GRM5: variants seen among roughly 807,000 people sequenced by gnomAD.
GRM5 encodes the protein metabotropic glutamate receptor 5.
GRM5 carries 19 observed loss-of-function variants against 83.1 expected under a neutral mutation model. The observed-to-expected ratio is 0.23, with a 90% CI of 0.16 to 0.34. GRM5 has a LOEUF of 0.34. Among genes scored for constraint, GRM5 ranks in the 10% least tolerant of loss-of-function variants. The probability of loss-of-function intolerance (pLI) is 1.00; values close to 1 mark genes in which losing one functional copy is unlikely to be tolerated. For missense variants in GRM5, 1,160 were observed against 1,588.3 expected (o/e 0.73, Z 4.58); for synonymous variants, 675 against 633.6 (o/e 1.07, Z -0.98).
rs1053567651 is a variant in GRM5, at chr11:88,757,994, C to A, written c.911+91912G>T. The stretch of plus-strand genomic sequence containing the variant: ...TCCAGGAGATGGAAGCTGAGCCTTG[C>A]CCCACTAAAATCTCCCAGAAATAAA... On this transcript the variant is annotated intron_variant, in intron 3 of 9. Coordinates refer to ENST00000305447, the MANE Select transcript of GRM5 (RefSeq NM_001143831.3). Among the ~76,000 whole-genome samples the A allele has an allele frequency of 4.6e-5, 7 of 152,198 alleles. No homozygotes were observed. The East Asian group carries it at 9.7e-4, about 21-fold the overall frequency.
chr11:88,617,976 C>G (rs1402918561), intron 4 of GRM5, among the ~76,000 whole-genome samples: 1 of 152,130 alleles, frequency 6.6e-6, no homozygotes, highest in Non-Finnish European at 1.5e-5. Flanking sequence ...CTCTTAGTTT[C>G]CCCCTAAGTT....
chr11:88,558,992 T>C (rs926197139), intron 8 of GRM5, among the ~76,000 whole-genome samples: 1 of 151,954 alleles, frequency 6.6e-6, no homozygotes, highest in African/African-American at 2.4e-5. Context: ...ATAAAAACTT[T>C]GTAACTAAAA....
chr11:88,885,775 AAGCAGCCCCAAATCATTTACTAACAAAG>A (rs2135578575), intron 2 of GRM5, among the ~76,000 whole-genome samples: 2 of 152,244 alleles, frequency 1.3e-5, no homozygotes, highest in East Asian at 3.9e-4. Flanking sequence ...ACCTCATGAA[AAGCAGCCCCAAATCATTTACTAACAAAG>A]AGCAGCCTGG....
intron 2 of GRM5, among the ~76,000 whole-genome samples, chr11:88,878,480 C>A (rs193055381): frequency 7.2e-4 from 109 of 152,246 alleles, no homozygotes; most frequent in Middle Eastern, 3.4e-3. Context: ...ATTCCCTCCC[C>A]ACAGTGGAGC....
intron 5 of GRM5, among the ~76,000 whole-genome samples, chr11:88,599,827 C>A (rs536220631): frequency 6.6e-6 from 1 of 152,212 alleles, no homozygotes; most frequent in East Asian, 1.9e-4. Context: ...TCCTGGCTAA[C>A]ATGGTGAAAC....
At chr11:88,627,426 A>G (rs1938832747) in intron 4 of GRM5, among the ~76,000 whole-genome samples, 1 of 152,164 alleles carries the variant, frequency 6.6e-6, no homozygotes, top group Admixed American at 6.6e-5. Flanking sequence ...TTACTATCTG[A>G]AAGATGCACA....
At chr11:88,534,483 C>A (rs1447044038) in intron 8 of GRM5, among the ~76,000 whole-genome samples, 1 of 152,136 alleles carries the variant, frequency 6.6e-6, no homozygotes, top group African/African-American at 2.4e-5. Flanking sequence ...GACCTGTCAC[C>A]CCTTTGTTTT....
chr11:88,805,357 A>G lies in GRM5; in HGVS notation c.911+44549T>C, dbSNP rs564767778. Reference sequence around the variant, plus strand: ...CAGGCATGCGCCACCACGCCCGGCTAATTTTTGTATTTTTAGTAGAGATGG... The same window carrying G: ...CAGGCATGCGCCACCACGCCCGGCTGATTTTTGTATTTTTAGTAGAGATGG... On this transcript the variant is annotated intron_variant, in intron 3 of 9. Transcript: ENST00000305447. Among the ~76,000 whole-genome samples the G allele has an allele frequency of 5.8e-4, 88 of 152,028 alleles. 1 individual carries two copies. The South Asian group carries it at 0.018, about 31-fold the overall frequency.
At chr11:88,975,648 C>G (rs1939310117) in intron 2 of GRM5, among the ~76,000 whole-genome samples, 1 of 152,206 alleles carries the variant, frequency 6.6e-6, no homozygotes, top group Non-Finnish European at 1.5e-5. Flanking sequence ...CAACCCAGAT[C>G]TACTGACTCA....
At chr11:88,556,220 C>T (rs1450260986) in intron 8 of GRM5, among the ~76,000 whole-genome samples, 1 of 151,980 alleles carries the variant, frequency 6.6e-6, no homozygotes, top group South Asian at 2.1e-4. Context: ...CTCAGATTGT[C>T]ACCAGGACTG....
At chr11:88,861,882 C>T (rs1944569817) in intron 2 of GRM5, among the ~76,000 whole-genome samples, 1 of 152,104 alleles carries the variant, frequency 6.6e-6, no homozygotes, top group Non-Finnish European at 1.5e-5. Context: ...ACATATTTGT[C>T]TTACTCCATA....
At chr11:88,973,315 C>G (rs373936346) in intron 2 of GRM5, among the ~76,000 whole-genome samples, 2 of 151,992 alleles carry the variant, frequency 1.3e-5, no homozygotes, top group African/African-American at 4.8e-5. Flanking sequence ...GGTTCTGAAA[C>G]CTACACCTGT....
chr11:88,906,918 C>T (rs1945413664), intron 2 of GRM5, among the ~76,000 whole-genome samples: 1 of 152,100 alleles, frequency 6.6e-6, no homozygotes, highest in Admixed American at 6.6e-5. Context: ...TTTTTAAATA[C>T]TAAATAATTA....
intron 4 of GRM5, among the ~76,000 whole-genome samples, chr11:88,628,865 C>T (rs548107778): frequency 6.6e-6 from 1 of 152,304 alleles, no homozygotes; most frequent in South Asian, 2.1e-4. Context: ...CTTTCTAACA[C>T]ATGATTTTGC....
intron 4 of GRM5, among the ~76,000 whole-genome samples, chr11:88,615,021 T>C (rs1383354191): frequency 1.3e-5 from 2 of 152,190 alleles, no homozygotes; most frequent in South Asian, 2.1e-4. Context: ...TCTTAGATAA[T>C]GCCTGCTAGC....
At chr11:89,009,699 A>G (rs1196706331) in intron 2 of GRM5, among the ~76,000 whole-genome samples, 3 of 151,720 alleles carry the variant, frequency 2.0e-5, no homozygotes, top group African/African-American at 7.3e-5. Flanking sequence ...GATCGAGACC[A>G]TCCTGGCTAA....
chr11:88,650,853 A>T (rs888157343), intron 4 of GRM5, among the ~76,000 whole-genome samples: 1 of 152,062 alleles, frequency 6.6e-6, no homozygotes, highest in African/African-American at 2.4e-5. Context: ...TAATAGTTAT[A>T]TGACTGGAGG....
chr11:88,668,367 C>T (rs1225331706), intron 3 of GRM5, among the ~76,000 whole-genome samples: 1 of 148,750 alleles, frequency 6.7e-6, no homozygotes, highest in Non-Finnish European at 1.5e-5. Flanking sequence ...ACTTCACTAA[C>T]AAATTATTCT....
At chr11:88,972,595 A>G (rs1264000217) in intron 2 of GRM5, among the ~76,000 whole-genome samples, 2 of 152,144 alleles carry the variant, frequency 1.3e-5, no homozygotes, top group Non-Finnish European at 2.9e-5. Context: ...TTAATCTACA[A>G]AGAATTATGG....
Sources: allele counts gnomAD v4.1 joint callset (sites outside exome capture counted in the v4.1 genomes callset), GRCh38; gene constraint gnomAD v4.1.1; transcripts MANE v1.5; gene names NCBI Gene and HGNC (gene_info 2026-07-23, HGNC 2026-07-21).